The following KCND3 variants were observed in gnomAD, a reference collection of about 807,000 sequenced individuals.
KCND3 encodes the protein A-type voltage-gated potassium channel KCND3.
A neutral mutation model predicts 51.1 loss-of-function variants in KCND3; 9 were observed. The ratio of observed to expected loss-of-function variants is 0.18; its 90% confidence interval spans 0.11 to 0.31. The LOEUF is 0.31. Ranked by LOEUF, KCND3 falls within the 10% of genes least tolerant of loss-of-function variation. The pLI, the probability that KCND3 is intolerant of heterozygous loss-of-function variation, is 1.00. For missense variants in KCND3, 526 were observed against 903.8 expected, an observed-to-expected ratio of 0.58 and a Z score of 5.36; for synonymous variants, 349 against 368.0, an observed-to-expected ratio of 0.95 and a Z score of 0.59.
At chr1:111,784,144 C>CACACACACACA (rs59742862) in intron 3 of KCND3, among the ~76,000 whole-genome samples, 13 of 149,252 alleles carry the variant, frequency 8.7e-5, no homozygotes, top group South Asian at 4.3e-4. Flanking sequence ...CACACACACA[C>CACACACACACA]CAGTCCAAGT....
At chr1:111,905,262 G>T (rs1419011039) in intron 2 of KCND3, among the ~76,000 whole-genome samples, 1 of 152,192 alleles carries the variant, frequency 6.6e-6, no homozygotes, top group Non-Finnish European at 1.5e-5. Flanking sequence ...ACCCAAGGAG[G>T]CAACAGAACA....
intron 2 of KCND3, among the ~76,000 whole-genome samples, chr1:111,921,378 C>T (rs1043048660): frequency 6.6e-6 from 1 of 152,164 alleles, no homozygotes; most frequent in African/African-American, 2.4e-5. Context: ...GGGTCAAGGC[C>T]AGGCGGTTAA....
chr1:111,795,785 T>C (rs1015299923), intron 2 of KCND3, among the ~76,000 whole-genome samples: 3 of 152,262 alleles, frequency 2.0e-5, no homozygotes, highest in African/African-American at 7.2e-5. Context: ...ATGGTTGAAC[T>C]AATTTACACT....
intron 2 of KCND3, among the ~76,000 whole-genome samples, chr1:111,822,966 T>G (rs1666416828): frequency 6.6e-6 from 1 of 152,192 alleles, no homozygotes; most frequent in South Asian, 2.1e-4. Context: ...TGATGGGAAA[T>G]TCAAGACACA....
intron 1 of KCND3, among the ~76,000 whole-genome samples, chr1:111,987,387 G>A (rs1044263532): frequency 3.3e-5 from 5 of 152,158 alleles, no homozygotes; most frequent in African/African-American, 1.2e-4. Context: ...TGAATCCAGG[G>A]CAATCTTCCT....
In KCND3 at chr1:111,780,954, T is replaced by G. The variant is rs551191669; in HGVS notation, c.1270-163A>C. On this transcript the variant is annotated intron_variant, in intron 3 of 7. Coordinates refer to ENST00000302127, the MANE Select transcript of KCND3 (RefSeq NM_001378969.1). This position sits in a 1 kb window ranked among gnomAD's most constrained non-coding sequence, Gnocchi z 4.2. ...TCTCCAGTTGTGTACCCACTTTGTA[T>G]AGCTTGGTTGGGTCAGAATTCCCAG... 1.3e-5 allele frequency among the ~76,000 whole-genome samples: 2 copies of G among 152,330 alleles called. No individual in the cohort carries two copies. Among genetic ancestry groups the G allele is most frequent in the South Asian group, 2.1e-4 (1 of 4,826 alleles).
At chr1:111,911,813 T>C (rs545129539) in intron 2 of KCND3, among the ~76,000 whole-genome samples, 1 of 152,166 alleles carries the variant, frequency 6.6e-6, no homozygotes, top group Admixed American at 6.5e-5. Flanking sequence ...TTTTCAAACA[T>C]TGGACAAAAG....
At chr1:111,970,660 A>G (rs1428259899) in intron 2 of KCND3, among the ~76,000 whole-genome samples, 1 of 152,094 alleles carries the variant, frequency 6.6e-6, no homozygotes, top group Non-Finnish European at 1.5e-5. Context: ...AAGCCAGTGG[A>G]CTCTAATGAA....
chr1:111,825,687 TG>T (rs1329147252), intron 2 of KCND3, among the ~76,000 whole-genome samples: 2 of 152,248 alleles, frequency 1.3e-5, no homozygotes, highest in Non-Finnish European at 2.9e-5. Flanking sequence ...CATTGTATTT[TG>T]TTTTCTTCTA....
chr1:111,824,832 T>C (rs1249393778), intron 2 of KCND3, among the ~76,000 whole-genome samples: 1 of 152,180 alleles, frequency 6.6e-6, no homozygotes, highest in African/African-American at 2.4e-5. Context: ...CATAGTTACA[T>C]TTCTTTCCTG....
intron 2 of KCND3, among the ~76,000 whole-genome samples, chr1:111,803,635 G>C (rs145182188): frequency 2.0e-5 from 3 of 152,268 alleles, no homozygotes; most frequent in African/African-American, 7.2e-5. Context: ...GCATACTGAA[G>C]TATTTATGGG....
chr1:111,807,268 T>A (rs2101563818), intron 2 of KCND3, among the ~76,000 whole-genome samples: 1 of 152,398 alleles, frequency 6.6e-6, no homozygotes, highest in African/African-American at 2.4e-5. Context: ...GCATATATGA[T>A]GGCAGTCCTA....
At chr1:111,816,075 A>G (rs542431087) in intron 2 of KCND3, among the ~76,000 whole-genome samples, 109 of 152,384 alleles carry the variant, frequency 7.2e-4, no homozygotes, top group African/African-American at 2.5e-3. Context: ...GCAACAGTCA[A>G]CGAGGTAGGT....
At chr1:111,790,736 C>A (rs779042083) in intron 2 of KCND3, among the ~76,000 whole-genome samples, 8 of 152,220 alleles carry the variant, frequency 5.3e-5, no homozygotes, top group Non-Finnish European at 1.0e-4. Flanking sequence ...TCATTCCACA[C>A]CCCACCTCTC....
chr1:111,916,372 T>C (rs1571846359), intron 2 of KCND3, among the ~76,000 whole-genome samples: 1 of 152,032 alleles, frequency 6.6e-6, no homozygotes, highest in African/African-American at 2.4e-5. Context: ...TATTTTGAAC[T>C]GAAAAAAATG....
At chr1:111,830,385 G>C (rs1666781543) in intron 2 of KCND3, among the ~76,000 whole-genome samples, 1 of 152,154 alleles carries the variant, frequency 6.6e-6, no homozygotes, top group South Asian at 2.1e-4. Flanking sequence ...TTTGTATCTT[G>C]GCCTATATTC....
intron 2 of KCND3, among the ~76,000 whole-genome samples, chr1:111,956,755 C>T (rs976405980): frequency 1.3e-5 from 2 of 152,102 alleles, no homozygotes; most frequent in East Asian, 1.9e-4. Context: ...GCTGGAACAC[C>T]GTCTCTCCTG....
chr1:111,873,454 G>C (rs1228742802), intron 2 of KCND3, among the ~76,000 whole-genome samples: 1 of 152,220 alleles, frequency 6.6e-6, no homozygotes, highest in African/African-American at 2.4e-5. Context: ...TTCTGAAGGA[G>C]AGAGTCTTAC....
At chr1:111,882,623 G>A (rs1219578299) in intron 2 of KCND3, among the ~76,000 whole-genome samples, 2 of 152,210 alleles carry the variant, frequency 1.3e-5, no homozygotes, top group East Asian at 1.9e-4. Context: ...AGGTGTGGCC[G>A]GCTCAGTGCA....
Sources: gnomAD v4.1 joint callset for allele counts (sites outside exome capture counted in the v4.1 genomes callset) on GRCh38, gnomAD v4.1.1 for gene constraint, Gnocchi (gnomAD v3.1) non-coding constraint, MANE v1.5 for transcripts, NCBI Gene and HGNC (gene_info 2026-07-23, HGNC 2026-07-21) for gene names.